The following RICTOR variants were observed in gnomAD, a reference collection of about 807,000 sequenced individuals.
The protein encoded by RICTOR is RPTOR independent companion of MTOR complex 2.
Under a neutral mutation model 214.9 loss-of-function variants are expected in RICTOR, and 49 were observed. The ratio of observed to expected loss-of-function variants is 0.23; its 90% CI spans 0.18 to 0.29. RICTOR has a LOEUF of 0.29. Among genes scored for constraint, RICTOR ranks in the 10% least tolerant of loss-of-function variants. RICTOR has a pLI of 1.00. For synonymous variants in RICTOR, 717 were observed against 711.3 expected, an observed-to-expected ratio of 1.01 and a Z score of -0.13; for missense variants, 1,625 against 2,047.0, an observed-to-expected ratio of 0.79 and a Z score of 3.98.
At chr5:39,028,670 C>G (rs1486211534) in intron 2 of RICTOR, among the ~76,000 whole-genome samples, 3 of 152,110 alleles carry the variant, frequency 2.0e-5, no homozygotes, top group African/African-American at 7.2e-5. Flanking sequence ...GTGGAAACAA[C>G]CCAAATGTCC....
chr5:38,947,322 C>A lies in RICTOR; in HGVS notation c.4256G>T (p.Gly1419Val). Residue 1419 changes from glycine (G) to valine (V), a missense_variant, in exon 32 of 38, where the codon GGG (glycine) becomes GTG (valine). Around this residue, in one of 5 missense-constraint regions of RICTOR, gnomAD observed 1,214 missense variants for 1,470.5 expected, o/e 0.83. Coordinates refer to ENST00000357387, the MANE Select transcript of RICTOR (RefSeq NM_152756.5). ...AAGACCAATGTAATCATCTGAACCCCCATATGTGGCACTGGACACCATGGA... is the reference window on the plus strand; with the variant it reads ...AAGACCAATGTAATCATCTGAACCCACATATGTGGCACTGGACACCATGGA... ...VRSMVSSATYGGSDDYIGLAL... is the reference protein window; with the variant it reads ...VRSMVSSATYVGSDDYIGLAL... The A allele has an allele frequency of 6.2e-7, 1 of 1,612,998 alleles. No homozygotes were observed. Among genetic ancestry groups the A allele is most frequent in the Non-Finnish European group, 8.5e-7 (1 of 1,179,268 alleles).
intron 11 of RICTOR, among the ~76,000 whole-genome samples, chr5:38,969,355 A>G (rs1750537239): frequency 6.6e-6 from 1 of 152,118 alleles, no homozygotes; most frequent in Non-Finnish European, 1.5e-5. Flanking sequence ...ATATAAAACC[A>G]AAAAAATTTT....
intron 3 of RICTOR, among the ~76,000 whole-genome samples, chr5:39,008,781 A>C (rs1448419278): frequency 6.6e-6 from 1 of 151,924 alleles, no homozygotes; most frequent in African/African-American, 2.4e-5. Flanking sequence ...TTCACTCCTT[A>C]AAATAATTTA....
At chr5:38,988,389 A>G (rs1230841368) in intron 7 of RICTOR, among the ~76,000 whole-genome samples, 1 of 152,112 alleles carries the variant, frequency 6.6e-6, no homozygotes, top group African/African-American at 2.4e-5. Flanking sequence ...TATTGGGTGC[A>G]TATATATTTA....
rs1258528025 is a variant in RICTOR at position 38,990,747 on chromosome 5, G to GATATATATGAT, written c.583+201_583+202insATCATATATAT. ...TATATCATATATATGATATATATGA[G>GATATATATGAT]ATATATGATATATATGAGATATATG... On this transcript the variant is annotated intron_variant, in intron 7 of 37. Coordinates refer to ENST00000357387, the MANE Select transcript of RICTOR (RefSeq NM_152756.5). 5.2e-4 allele frequency among the ~76,000 whole-genome samples: 12 copies of GATATATATGAT among 23,112 alleles called. 3 individuals are homozygous for GATATATATGAT. The highest frequency in any genetic ancestry group is 3.7e-3 in the South Asian group (4 of 1,094). 15.2% of individuals were successfully genotyped at this position (23,112 alleles called of 152,430 possible).
rs140936642 is a variant in RICTOR at position 38,955,592 on chromosome 5, C to A, written c.2609+3G>T. 1.9e-4 allele frequency: 288 copies of A among 1,505,112 alleles called. 3 individuals carry two copies. In the East Asian group the frequency reaches 6.4e-3, roughly 33 times the overall value. The allele number at this position is 1,505,112 out of a possible 1,614,324, so 93.2% of individuals were successfully genotyped here. A position where few individuals can be genotyped will look rare whatever the true frequency, so the allele number is the denominator to read the frequency against. On this transcript the variant is annotated splice_donor_region_variant and intron_variant, in intron 26 of 37. Transcript: ENST00000357387. ...GTTTTAAATCTGATAACTGGGTACGCACCTTTGGTTACTCCGACGAACATA... is the reference window on the plus strand; with the variant it reads ...GTTTTAAATCTGATAACTGGGTACGAACCTTTGGTTACTCCGACGAACATA...
In RICTOR at chr5:39,020,765, C is replaced by T. The variant is rs1029662226; in HGVS notation, c.195+274G>A. Among the ~76,000 whole-genome samples the T allele has an allele frequency of 5.3e-5, 8 of 152,284 alleles. No homozygotes were observed. In the East Asian group the frequency reaches 1.2e-3, roughly 22 times the overall value. ...AAATGAGTAGAAGGCAAAAGAAATACATCCTTATGTGAATAAAAGGTTGAA... is the reference window on the plus strand; with the variant it reads ...AAATGAGTAGAAGGCAAAAGAAATATATCCTTATGTGAATAAAAGGTTGAA... On this transcript the variant is annotated intron_variant, in intron 3 of 37. Transcript: ENST00000357387.
Position 38,955,709 on chromosome 5 carries a change from A to C in RICTOR, c.2500-5T>G. ...AACATATTTGGAGTTGTATTCCTAG[A>C]GGATAATATTGTTTTAATTGCACAT... On this transcript the variant is annotated splice_polypyrimidine_tract_variant and splice_region_variant and intron_variant, in intron 25 of 37. Transcript: ENST00000357387. The C allele has an allele frequency of 6.8e-7, 1 of 1,472,656 alleles. No individual in the cohort carries two copies. Among genetic ancestry groups the C allele is most frequent in the Non-Finnish European group, 9.5e-7 (1 of 1,051,200 alleles). 91.2% of individuals were successfully genotyped at this position (1,472,656 alleles called of 1,614,324 possible). A position where few individuals can be genotyped will look rare whatever the true frequency, so the allele number is the denominator to read the frequency against.
In RICTOR at chr5:38,966,684, A is replaced by G; in HGVS notation, c.1256T>C (p.Ile419Thr). The change falls in exon 15 of 38, where the codon ATC (isoleucine) becomes ACC (threonine). Residue 419 changes from isoleucine (I) to threonine (T), a missense_variant. Physicochemically the swap from Ile to Thr is moderately conservative, Grantham distance 89. This residue lies in a region of RICTOR where 1,214 missense variants were observed against 1,470.5 expected (regional missense o/e 0.83). Coordinates refer to ENST00000357387, the MANE Select transcript of RICTOR (RefSeq NM_152756.5). ...VEVITNSDDHISVRATILLGE... is the reference protein window; with the variant it reads ...VEVITNSDDHTSVRATILLGE... ...TAAAAGGATGGTAGCTCTAACTGAG[A>G]TATGATCATCACTGTTTGTTATCAC... 1.3e-6 allele frequency: 2 copies of G among 1,596,812 alleles called. No individual in the cohort carries two copies. Among genetic ancestry groups the G allele is most frequent in the Non-Finnish European group, 1.7e-6 (2 of 1,166,526 alleles).
chr5:38,964,667 C>A lies in RICTOR; in HGVS notation c.1400+125G>T, dbSNP rs549228549. 18 of 471,668 alleles carry A rather than the reference C, an allele frequency of 3.8e-5. No individual in the cohort carries two copies. The South Asian group carries it at 9.1e-4, about 24-fold the overall frequency. The allele number at this position is 471,668 out of a possible 1,614,324, so 29.2% of individuals were successfully genotyped here. On this transcript the variant is annotated intron_variant, in intron 16 of 37. Coordinates refer to ENST00000357387, the MANE Select transcript of RICTOR (RefSeq NM_152756.5). ...TTAGAACTATTAATTTTTCCTTTAG[C>A]AAATTCCTTAAAAGAATTTCCCACC...
intron 5 of RICTOR, among the ~76,000 whole-genome samples, chr5:39,001,129 C>T (rs1753583132): frequency 6.6e-6 from 1 of 151,886 alleles, no homozygotes; most frequent in African/African-American, 2.4e-5. Context: ...AATGCAGAAC[C>T]CAGATTAGTC....
intron 2 of RICTOR, among the ~76,000 whole-genome samples, chr5:39,028,029 G>A (rs1288030403): frequency 6.6e-6 from 1 of 152,050 alleles, no homozygotes; most frequent in Admixed American, 6.6e-5. Flanking sequence ...AGGCCAAAAA[G>A]TATGAGAAAA....
intron 2 of RICTOR, among the ~76,000 whole-genome samples, chr5:39,038,803 A>C (rs1429606627): frequency 6.6e-6 from 1 of 152,170 alleles, no homozygotes; most frequent in Non-Finnish European, 1.5e-5. Context: ...ACCACTGCTC[A>C]ATGAAATAAA....
At chr5:39,002,220 GA>G (rs758488320) in intron 5 of RICTOR, among the ~76,000 whole-genome samples, 28 of 147,874 alleles carry the variant, frequency 1.9e-4, no homozygotes, top group Non-Finnish European at 3.3e-4. Context: ...AGATAATAAT[GA>G]GAAGAAGAAA....
At position 38,940,655 on chromosome 5, in the gene RICTOR, T is replaced by TA; in HGVS notation, c.*1648dup. On this transcript the variant is annotated 3_prime_UTR_variant, in exon 38 of 38. Coordinates refer to ENST00000357387, the MANE Select transcript of RICTOR (RefSeq NM_152756.5). The stretch of plus-strand genomic sequence containing the variant: ...AGCCCTTATCTGCTTTGTTATAATG[T>TA]AAGTTGCTACACAGTGCACATAAGA... 4.3e-6 allele frequency: 1 copy of TA among 233,002 alleles called. No homozygotes were observed. Among genetic ancestry groups the TA allele is most frequent in the African/African-American group, 2.2e-5 (1 of 45,460 alleles). The allele number at this position is 233,002 out of a possible 1,614,324, so 14.4% of individuals were successfully genotyped here.
intron 7 of RICTOR, among the ~76,000 whole-genome samples, chr5:38,983,971 A>AAAAAC (rs769537834): frequency 1.1e-4 from 16 of 152,178 alleles, no homozygotes; most frequent in Non-Finnish European, 2.1e-4. Flanking sequence ...TCTCAAAAAC[A>AAAAAC]AAAACAAAAC....
chr5:38,963,268 T>C (rs1367895179), intron 16 of RICTOR, among the ~76,000 whole-genome samples: 1 of 152,016 alleles, frequency 6.6e-6, no homozygotes, highest in Non-Finnish European at 1.5e-5. Context: ...TACTAAACTT[T>C]TCTTCTATGG....
chr5:38,980,010 A>G (rs1751573518), intron 8 of RICTOR, among the ~76,000 whole-genome samples: 1 of 152,176 alleles, frequency 6.6e-6, no homozygotes, highest in Admixed American at 6.5e-5. Context: ...CAGTTTACTA[A>G]TAACATCTTC....
At chr5:39,057,530 G>T (rs1435683477) in intron 2 of RICTOR, among the ~76,000 whole-genome samples, 1 of 152,012 alleles carries the variant, frequency 6.6e-6, no homozygotes, top group Non-Finnish European at 1.5e-5. Flanking sequence ...ATTTAAAATG[G>T]TTGGAAAAAG....
Sources: allele counts gnomAD v4.1 joint callset (sites outside exome capture counted in the v4.1 genomes callset), GRCh38; gene constraint gnomAD v4.1.1; regional missense constraint gnomAD v4.1.1; transcripts MANE v1.5; gene names NCBI Gene and HGNC (gene_info 2026-07-23, HGNC 2026-07-21).